The following WDR72 variants were observed in gnomAD, a reference collection of about 807,000 sequenced individuals.
WDR72 encodes WD repeat-containing protein 72.
WDR72 carries 120 observed loss-of-function variants against 124.2 expected under a neutral mutation model. That is an observed-to-expected ratio of 0.97 (90% CI 0.83 to 1.12). The LOEUF (loss-of-function observed/expected upper bound fraction) is 1.12, where lower values mean the gene tolerates loss of function less well. Among genes scored for constraint, WDR72 ranks in the 50% most tolerant of loss-of-function variants. WDR72 has a pLI of 0.00. For missense variants in WDR72, 1,387 were observed against 1,278.8 expected, an observed-to-expected ratio of 1.08 and a Z score of -1.29; for synonymous variants, 452 against 441.7, an observed-to-expected ratio of 1.02 and a Z score of -0.29.
chr15:53,593,051 TTACAGG>T (rs2012586076), intron 18 of WDR72, among the ~76,000 whole-genome samples: 1 of 151,964 alleles, frequency 6.6e-6, no homozygotes, highest in African/African-American at 2.4e-5. Flanking sequence ...TAAGACAAAA[TTACAGG>T]TTTAAATATA....
intron 13 of WDR72, among the ~76,000 whole-genome samples, chr15:53,698,152 T>C (rs1184734776): frequency 2.0e-5 from 3 of 152,176 alleles, no homozygotes; most frequent in South Asian, 2.1e-4. Flanking sequence ...TCTCAAGAAG[T>C]ACTAATGGTT....
intron 1 of WDR72, among the ~76,000 whole-genome samples, chr15:53,756,294 T>G (rs1903461): frequency 6.6e-6 from 1 of 152,002 alleles, no homozygotes; most frequent in East Asian, 1.9e-4. Context: ...TGCAACCCTA[T>G]GAAGAGGTGA....
chr15:53,588,319 C>T (rs1368349714), intron 18 of WDR72, among the ~76,000 whole-genome samples: 1 of 151,820 alleles, frequency 6.6e-6, no homozygotes, highest in Non-Finnish European at 1.5e-5. Flanking sequence ...TCAAGGAGTT[C>T]ACAGAGTTGG....
At chr15:53,633,623 C>T (rs923074886) in intron 14 of WDR72, among the ~76,000 whole-genome samples, 1 of 152,086 alleles carries the variant, frequency 6.6e-6, no homozygotes, top group Admixed American at 6.5e-5. Flanking sequence ...ACAGCATAGT[C>T]TCTGGATATA....
At chr15:53,654,815 TTCTA>T (rs2015360102) in intron 14 of WDR72, among the ~76,000 whole-genome samples, 1 of 152,236 alleles carries the variant, frequency 6.6e-6, no homozygotes. Context: ...AGTTTTCTGC[TTCTA>T]TCTTACTAAT....
At chr15:53,742,134 A>G (rs2018527154) in intron 1 of WDR72, among the ~76,000 whole-genome samples, 1 of 152,212 alleles carries the variant, frequency 6.6e-6, no homozygotes, top group Admixed American at 6.5e-5. Context: ...CACATATCAG[A>G]AGTCACTTTC....
At chr15:53,746,832 T>C (rs769289979) in intron 1 of WDR72, among the ~76,000 whole-genome samples, 2 of 152,158 alleles carry the variant, frequency 1.3e-5, no homozygotes, top group Non-Finnish European at 2.9e-5. Flanking sequence ...AAGTATGCAG[T>C]TTATTAAATG....
At chr15:53,614,218 A>T (rs898931810) in intron 15 of WDR72, among the ~76,000 whole-genome samples, 1 of 152,044 alleles carries the variant, frequency 6.6e-6, no homozygotes, top group African/African-American at 2.4e-5. Context: ...ACTGCCAGGG[A>T]TGTTCTGATA....
At chr15:53,638,482 G>A (rs2014707771) in intron 14 of WDR72, among the ~76,000 whole-genome samples, 1 of 152,032 alleles carries the variant, frequency 6.6e-6, no homozygotes, top group African/African-American at 2.4e-5. Context: ...CATGGTCCTG[G>A]AAGTCAGGAA....
chr15:53,710,211 G>A (rs2017493135), intron 9 of WDR72, among the ~76,000 whole-genome samples: 1 of 152,146 alleles, frequency 6.6e-6, no homozygotes, highest in East Asian at 1.9e-4. Flanking sequence ...ATCAATATAT[G>A]ATTAAAGAAA....
At chr15:53,595,139 G>T (rs1016321001) in intron 18 of WDR72, among the ~76,000 whole-genome samples, 5 of 151,816 alleles carry the variant, frequency 3.3e-5, no homozygotes, top group African/African-American at 1.2e-4. Context: ...TAATATTCTG[G>T]TGTTCTAATT....
intron 17 of WDR72, among the ~76,000 whole-genome samples, chr15:53,600,794 T>C (rs2013010818): frequency 6.6e-6 from 1 of 152,172 alleles, no homozygotes; most frequent in Non-Finnish European, 1.5e-5. Context: ...AGGCCTACAT[T>C]TCATGATGTG....
intron 14 of WDR72, among the ~76,000 whole-genome samples, chr15:53,626,448 G>A (rs115736220): frequency 2.6e-5 from 4 of 152,176 alleles, no homozygotes; most frequent in African/African-American, 7.2e-5. Flanking sequence ...GGAAGTCAGC[G>A]GCAGGTCTGC....
intron 18 of WDR72, among the ~76,000 whole-genome samples, chr15:53,543,323 A>G (rs1893252908): frequency 1.3e-5 from 2 of 151,990 alleles, no homozygotes; most frequent in Admixed American, 6.6e-5. Context: ...TGAAACTAGA[A>G]CTCAGGATTA....
At chr15:53,575,737 G>C (rs1004386436) in intron 18 of WDR72, among the ~76,000 whole-genome samples, 1 of 152,124 alleles carries the variant, frequency 6.6e-6, no homozygotes. Context: ...TTTGGAGAAT[G>C]GTAATCTGAG....
intron 18 of WDR72, among the ~76,000 whole-genome samples, chr15:53,536,626 G>A (rs1366115534): frequency 6.6e-6 from 1 of 152,164 alleles, no homozygotes; most frequent in Non-Finnish European, 1.5e-5. Flanking sequence ...ACAAGTCACT[G>A]TTCTCCAGCT....
In WDR72 at chr15:53,599,754, T is replaced by C. The variant is rs905880403; in HGVS notation, c.2953-2480A>G. Among the ~76,000 whole-genome samples the C allele has an allele frequency of 2.6e-5, 4 of 151,720 alleles. No homozygotes were observed. The South Asian group carries it at 8.5e-4, about 32-fold the overall frequency. ...GTCATCTCTCCCACTGAATATAATA[T>C]CCTATACAACTTGGATAATCATTCC... On this transcript the variant is annotated intron_variant, in intron 17 of 19. Transcript: ENST00000360509.
chr15:53,682,891 A>T (rs1460950975), intron 13 of WDR72, among the ~76,000 whole-genome samples: 1 of 152,196 alleles, frequency 6.6e-6, no homozygotes, highest in African/African-American at 2.4e-5. Context: ...CTATAAAGAA[A>T]TAACAGAGAC....
At chr15:53,618,590 G>A (rs899718986) in intron 14 of WDR72, among the ~76,000 whole-genome samples, 5 of 151,938 alleles carry the variant, frequency 3.3e-5, no homozygotes, top group East Asian at 1.9e-4. Context: ...CCCAGTATTC[G>A]TGAAGAAGGG....
Sources: gnomAD v4.1 joint callset for allele counts (sites outside exome capture counted in the v4.1 genomes callset) on GRCh38, gnomAD v4.1.1 for gene constraint, MANE v1.5 for transcripts, NCBI Gene and HGNC (gene_info 2026-07-23, HGNC 2026-07-21) for gene names.